TLE4: variants seen among roughly 807,000 people sequenced by gnomAD.
TLE4 encodes the protein transducin-like enhancer protein 4.
A neutral mutation model predicts 92.8 loss-of-function variants in TLE4; 8 were observed. The observed-to-expected ratio is 0.09, with a 90% CI of 0.05 to 0.16. The LOEUF (loss-of-function observed/expected upper bound fraction) is 0.16. Among genes scored for constraint, TLE4 ranks in the 10% least tolerant of loss-of-function variants. The pLI is 1.00. For missense variants in TLE4, 675 were observed against 997.6 expected (o/e 0.68, Z 4.36); for synonymous variants, 371 against 374.1 (o/e 0.99, Z 0.10).
At chr9:79,631,134 G>A (rs2054077037) in intron 6 of TLE4, among the ~76,000 whole-genome samples, 1 of 152,158 alleles carries the variant, frequency 6.6e-6, no homozygotes, top group Non-Finnish European at 1.5e-5. Context: ...TTAATGATAG[G>A]AAGTCTGCAA....
intron 13 of TLE4, among the ~76,000 whole-genome samples, chr9:79,709,126 C>A (rs1012468817): frequency 1.3e-4 from 20 of 152,102 alleles, no homozygotes; most frequent in African/African-American, 4.6e-4. Context: ...AGTCACCATG[C>A]CTGGCCTATC....
At chr9:79,588,255 C>G (rs929721621) in intron 4 of TLE4, among the ~76,000 whole-genome samples, 1 of 151,942 alleles carries the variant, frequency 6.6e-6, no homozygotes, top group Admixed American at 6.6e-5. Flanking sequence ...TCAAGTGATT[C>G]TCCTGCCTGA....
chr9:79,647,704 AT>A (rs2058305824), intron 6 of TLE4, among the ~76,000 whole-genome samples: 2 of 152,224 alleles, frequency 1.3e-5, no homozygotes, highest in East Asian at 3.9e-4. Context: ...TATGGGAAAT[AT>A]TTTTTAAATA....
chr9:79,579,965 T>G (rs2039153557), intron 4 of TLE4: 1 of 152,178 alleles, frequency 6.6e-6, no homozygotes. Flanking sequence ...TAGTACCAAG[T>G]GGATTGCCAA....
At chr9:79,695,412 T>G (rs987272840) in intron 8 of TLE4, among the ~76,000 whole-genome samples, 1 of 151,884 alleles carries the variant, frequency 6.6e-6, no homozygotes, top group Admixed American at 6.6e-5. Flanking sequence ...TATTAAGCAC[T>G]GAGGATGCAA....
intron 8 of TLE4, among the ~76,000 whole-genome samples, chr9:79,658,808 A>T (rs1477970044): frequency 6.6e-6 from 1 of 152,242 alleles, no homozygotes; most frequent in Non-Finnish European, 1.5e-5. Context: ...AAATAATAGA[A>T]AGGTAGATTA....
chr9:79,706,941 A>G (rs1364862171), intron 11 of TLE4, 42 bp downstream of exon 11: 2 of 1,591,562 alleles, frequency 1.3e-6, no homozygotes, highest in South Asian at 2.3e-5. Context: ...GGCCTCTGCC[A>G]ATTTGATGTT....
At chr9:79,697,338 T>A (rs1383549008) in intron 8 of TLE4, among the ~76,000 whole-genome samples, 1 of 152,192 alleles carries the variant, frequency 6.6e-6, no homozygotes, top group African/African-American at 2.4e-5. Flanking sequence ...ATGCCATCTC[T>A]AATGATCAGG....
At chr9:79,652,854 C>T (rs956451257) in intron 7 of TLE4, 60 bp downstream of exon 7, 26 of 1,511,884 alleles carry the variant, frequency 1.7e-5, no homozygotes, top group Non-Finnish European at 2.3e-5. Context: ...AGGGTAGGTT[C>T]TGGATGCTAT....
chr9:79,658,738 G>T (rs1564705916), intron 8 of TLE4, among the ~76,000 whole-genome samples: 1 of 152,114 alleles, frequency 6.6e-6, no homozygotes, highest in Non-Finnish European at 1.5e-5. Context: ...ATAACTTGCT[G>T]GGATAAATTT....
At chr9:79,602,414 T>C (rs1216231330) in intron 4 of TLE4, among the ~76,000 whole-genome samples, 1 of 152,218 alleles carries the variant, frequency 6.6e-6, no homozygotes, top group African/African-American at 2.4e-5. Context: ...TCCCTTGTTA[T>C]GTGACTAATG....
chr9:79,576,813 A>T (rs1231727902), intron 4 of TLE4: 4 of 152,064 alleles, frequency 2.6e-5, no homozygotes, highest in Non-Finnish European at 5.9e-5. Flanking sequence ...TAGCAAAAAA[A>T]AAAAAAAATG....
chr9:79,668,570 C>T (rs545927783), intron 8 of TLE4, among the ~76,000 whole-genome samples: 1 of 152,096 alleles, frequency 6.6e-6, no homozygotes, highest in Non-Finnish European at 1.5e-5. Context: ...CTTTACCATG[C>T]CAGTCAGGTG....
At chr9:79,610,566 C>G (rs2048131527) in intron 4 of TLE4, among the ~76,000 whole-genome samples, 1 of 152,092 alleles carries the variant, frequency 6.6e-6, no homozygotes, top group Admixed American at 6.6e-5. Flanking sequence ...TGCCAATTAG[C>G]CTGACCATGA....
At chr9:79,636,812 ATC>A (rs1198505011) in intron 6 of TLE4, among the ~76,000 whole-genome samples, 5 of 152,164 alleles carry the variant, frequency 3.3e-5, no homozygotes, top group African/African-American at 1.2e-4. Context: ...AGCGATAGGT[ATC>A]TCATAATTTT....
At chr9:79,704,715 GAC>G in intron 8 of TLE4, 66 bp from the exon 9 acceptor site, 1 of 1,561,478 alleles carries the variant, frequency 6.4e-7, no homozygotes, top group South Asian at 1.2e-5. Flanking sequence ...AGTCTCAAGT[GAC>G]TTAAAAATCA....
In TLE4 at chr9:79,635,289, C is replaced by CT. The variant is rs199698724; in HGVS notation, c.390+7850dup. On this transcript the variant is annotated intron_variant, in intron 6 of 19. Coordinates refer to ENST00000376552, the MANE Select transcript of TLE4 (RefSeq NM_007005.6). ...CTGATATCTGTTCAAATCTTTGCCT[C>CT]TTTTTTTTTCATCAGTCAGTTTTAT... 6.0e-3 allele frequency among the ~76,000 whole-genome samples: 894 copies of CT among 150,022 alleles called. 8 individuals are homozygous for CT. The highest frequency in any genetic ancestry group is 0.02 in the African/African-American group (809 of 40,918).
chr9:79,637,310 C>G (rs1315345434), intron 6 of TLE4, among the ~76,000 whole-genome samples: 4 of 152,184 alleles, frequency 2.6e-5, no homozygotes, highest in Non-Finnish European at 1.5e-5. Flanking sequence ...GAAGGAAATA[C>G]TGTTCCAGCT....
At chr9:79,613,174 T>G (rs77827160) in intron 5 of TLE4, among the ~76,000 whole-genome samples, 6 of 152,134 alleles carry the variant, frequency 3.9e-5, no homozygotes, top group Non-Finnish European at 8.8e-5. Flanking sequence ...TTTTAAACAT[T>G]TACTTCTTGT....
Sources: allele counts gnomAD v4.1 joint callset (sites outside exome capture counted in the v4.1 genomes callset), GRCh38; gene constraint gnomAD v4.1.1; transcripts MANE v1.5; gene names NCBI Gene and HGNC (gene_info 2026-07-23, HGNC 2026-07-21).